CHN1: variants seen among roughly 807,000 people sequenced by gnomAD.
CHN1 encodes the protein N-chimaerin.
A neutral mutation model predicts 59.5 loss-of-function variants in CHN1; 37 were observed. The ratio of observed to expected loss-of-function variants is 0.62; its 90% confidence interval spans 0.48 to 0.82. The LOEUF is 0.82. Among genes scored for constraint, CHN1 ranks in the 40% least tolerant of loss-of-function variants. The pLI is 0.00. For synonymous variants in CHN1, 206 were observed against 200.4 expected (o/e 1.03, Z -0.24); for missense variants, 469 against 571.0 (o/e 0.82, Z 1.82).
chr2:174,984,366 CTTT>C (rs397986749), intron 1 of CHN1, among the ~76,000 whole-genome samples: 7 of 117,194 alleles, frequency 6.0e-5, no homozygotes, highest in Admixed American at 1.7e-4. Flanking sequence ...GTTTTATAAG[CTTT>C]TTTTTTTTTT....
At chr2:175,003,711 G>A (rs1243838270) in intron 1 of CHN1, among the ~76,000 whole-genome samples, 2 of 152,150 alleles carry the variant, frequency 1.3e-5, no homozygotes, top group East Asian at 3.9e-4. Context: ...GTAAGAAATG[G>A]CACTTCTAGT....
rs1459365123 is a variant in CHN1 at position 174,819,447 on chromosome 2, CCTT to C, written c.712+4984_712+4986del. The stretch of plus-strand genomic sequence containing the variant: ...GATATGTCTGATTTGAAATAATTAT[CCTT>C]CTTAATTTCTTAGATTATTCTGGTA... On this transcript the variant is annotated intron_variant, in intron 8 of 12. Coordinates refer to ENST00000409900, the MANE Select transcript of CHN1 (RefSeq NM_001822.7). Among the ~76,000 whole-genome samples the C allele has an allele frequency of 3.9e-5, 6 of 152,186 alleles. No homozygotes were observed. The East Asian group carries it at 9.6e-4, about 24-fold the overall frequency.
intron 5 of CHN1, among the ~76,000 whole-genome samples, chr2:174,907,726 G>GAT (rs931189644): frequency 8.1e-5 from 12 of 148,214 alleles, no homozygotes; most frequent in African/African-American, 2.7e-4. Context: ...GTCACTAAGA[G>GAT]ATAAACACCA....
chr2:174,918,211 T>C (rs943695271), intron 4 of CHN1, among the ~76,000 whole-genome samples: 3 of 152,182 alleles, frequency 2.0e-5, no homozygotes, highest in Non-Finnish European at 4.4e-5. Context: ...TGTGTGTGTA[T>C]ATACGTATCT....
Position 175,005,022 on chromosome 2 carries a change from T to C in CHN1, c.-110A>G, listed in dbSNP as rs1237477135. ...ACCTCGGAGAGAGTGGGGTGCCCGA[T>C]GGGGCGTGCTGGGGGCGCCGGCGCC... On this transcript the variant is annotated 5_prime_UTR_variant, in exon 1 of 13. Coordinates refer to ENST00000409900, the MANE Select transcript of CHN1 (RefSeq NM_001822.7). 1.4e-6 allele frequency: 2 copies of C among 1,417,298 alleles called. No individual in the cohort carries two copies. Among genetic ancestry groups the C allele is most frequent in the Non-Finnish European group, 1.8e-6 (2 of 1,083,032 alleles). 87.8% of individuals were successfully genotyped at this position (1,417,298 alleles called of 1,614,324 possible).
At chr2:174,896,070 T>A (rs1192104063) in intron 5 of CHN1, among the ~76,000 whole-genome samples, 3 of 152,004 alleles carry the variant, frequency 2.0e-5, no homozygotes, top group Non-Finnish European at 4.4e-5. Flanking sequence ...TCAATTTTTT[T>A]AAATTATAGG....
At chr2:174,877,339 C>T (rs1238436948) in intron 6 of CHN1, among the ~76,000 whole-genome samples, 2 of 152,004 alleles carry the variant, frequency 1.3e-5, no homozygotes, top group Non-Finnish European at 2.9e-5. Context: ...AAATCCTCCT[C>T]CTATTCAAGA....
In CHN1 at chr2:174,812,295, T is replaced by G; in HGVS notation, c.886+14A>C. On this transcript the variant is annotated intron_variant, in intron 9 of 12. Coordinates refer to ENST00000409900, the MANE Select transcript of CHN1 (RefSeq NM_001822.7). ...GAACGGAGACCACTGCAACCCGCAC[T>G]GCAAATGGCTCACCTCTAGACTCAA... The G allele has an allele frequency of 1.2e-6, 2 of 1,600,310 alleles. No homozygotes were observed. Among genetic ancestry groups the G allele is most frequent in the Non-Finnish European group, 1.7e-6 (2 of 1,170,740 alleles).
At chr2:174,891,140 C>CAAAAAAAAAAA (rs58016502) in intron 5 of CHN1, among the ~76,000 whole-genome samples, 6 of 24,424 alleles carry the variant, frequency 2.5e-4, no homozygotes, top group African/African-American at 6.2e-4. Flanking sequence ...GACTCCATCT[C>CAAAAAAAAAAA]AAAAAAAAAA....
At chr2:174,888,197 A>C (rs958689430) in intron 5 of CHN1, among the ~76,000 whole-genome samples, 1 of 152,216 alleles carries the variant, frequency 6.6e-6, no homozygotes, top group Non-Finnish European at 1.5e-5. Context: ...TTCTTTTTCT[A>C]GTGAACCTAA....
intron 7 of CHN1, among the ~76,000 whole-genome samples, chr2:174,833,795 CTTT>C (rs35604734): frequency 1.8e-4 from 20 of 112,856 alleles, no homozygotes; most frequent in Middle Eastern, 4.7e-3. Context: ...ACATACACAT[CTTT>C]TTTTTTTTTT....
At chr2:174,819,301 G>T (rs1685396392) in intron 8 of CHN1, among the ~76,000 whole-genome samples, 1 of 152,142 alleles carries the variant, frequency 6.6e-6, no homozygotes, top group Non-Finnish European at 1.5e-5. Context: ...TTGTATACCT[G>T]AAGTAATAAA....
At chr2:174,958,870 A>T (rs1690305824) in intron 1 of CHN1, among the ~76,000 whole-genome samples, 1 of 152,122 alleles carries the variant, frequency 6.6e-6, no homozygotes, top group African/African-American at 2.4e-5. Flanking sequence ...ATTAGCCTCA[A>T]GCCGCTGTTA....
chr2:174,893,592 A>G (rs1212795881), intron 5 of CHN1, among the ~76,000 whole-genome samples: 1 of 151,462 alleles, frequency 6.6e-6, no homozygotes, highest in East Asian at 1.9e-4. Flanking sequence ...AATCCCTACT[A>G]AAACCTCCAT....
At chr2:174,819,642 G>A (rs899920875) in intron 8 of CHN1, among the ~76,000 whole-genome samples, 3 of 151,786 alleles carry the variant, frequency 2.0e-5, no homozygotes, top group African/African-American at 7.3e-5. Flanking sequence ...AATGAACAAC[G>A]ACCATCCTTT....
chr2:174,880,526 TAAG>T (rs1687700599), intron 5 of CHN1, among the ~76,000 whole-genome samples: 1 of 152,082 alleles, frequency 6.6e-6, no homozygotes, highest in African/African-American at 2.4e-5. Context: ...CCATTCTACA[TAAG>T]AAGAGCCATA....
chr2:174,884,820 T>A (rs1483870548), intron 5 of CHN1, among the ~76,000 whole-genome samples: 1 of 152,330 alleles, frequency 6.6e-6, no homozygotes, highest in South Asian at 2.1e-4. Flanking sequence ...CTATTGCCTA[T>A]GAGTCCTTAA....
At chr2:174,801,024 TTC>T (rs928491764) in intron 12 of CHN1, among the ~76,000 whole-genome samples, 1 of 152,238 alleles carries the variant, frequency 6.6e-6, no homozygotes, top group Non-Finnish European at 1.5e-5. Context: ...GTATTTTTGT[TTC>T]TGATTGGTTT....
chr2:174,823,215 TTACTTAG>T (rs1317717818), intron 8 of CHN1, among the ~76,000 whole-genome samples: 1 of 152,228 alleles, frequency 6.6e-6, no homozygotes, highest in East Asian at 1.9e-4. Context: ...TTGAAATACT[TTACTTAG>T]TATATTTTTT....
Sources: gnomAD v4.1 joint callset for allele counts (sites outside exome capture counted in the v4.1 genomes callset) on GRCh38, gnomAD v4.1.1 for gene constraint, MANE v1.5 for transcripts, NCBI Gene and HGNC (gene_info 2026-07-23, HGNC 2026-07-21) for gene names.